NDRG1: variants seen among roughly 807,000 people sequenced by gnomAD.
The protein encoded by NDRG1 is protein NDRG1.
Under a neutral mutation model 56.9 loss-of-function variants are expected in NDRG1, and 32 were observed. That is an observed-to-expected ratio of 0.56 (90% CI 0.42 to 0.76). The LOEUF is 0.76. Among genes scored for constraint, NDRG1 ranks in the 30% least tolerant of loss-of-function variants. The probability of loss-of-function intolerance (pLI) is 0.00; values close to 1 mark genes in which losing one functional copy is unlikely to be tolerated. For missense variants in NDRG1, 507 were observed against 545.7 expected (o/e 0.93, Z 0.71); for synonymous variants, 211 against 204.1 (o/e 1.03, Z -0.29).
rs190247129 is a variant in NDRG1 at position 133,238,686 on chromosome 8, C to T, written c.*192G>A. The T allele has an allele frequency of 2.2e-5, 15 of 682,006 alleles. No homozygotes were observed. The highest frequency in any genetic ancestry group is 3.0e-5 in the Admixed American group (1 of 33,278). 42.2% of individuals were successfully genotyped at this position (682,006 alleles called of 1,614,324 possible). ...TGCTTGCTTCCTTCCTTTGGTCCACCGCCACCCCGCCTTTGGAGAGGGCAC... is the reference window on the plus strand; with the variant it reads ...TGCTTGCTTCCTTCCTTTGGTCCACTGCCACCCCGCCTTTGGAGAGGGCAC... On this transcript the variant is annotated 3_prime_UTR_variant, in exon 16 of 16. Transcript: ENST00000323851.
chr8:133,291,934 T>G (rs1367011099), intron 1 of NDRG1, among the ~76,000 whole-genome samples: 2 of 151,824 alleles, frequency 1.3e-5, no homozygotes, highest in African/African-American at 4.8e-5. Flanking sequence ...TCAGCAAGAG[T>G]GTCCCAAACA....
intron 14 of NDRG1, 67 bp from the exon 15 acceptor site, chr8:133,242,141 G>A: frequency 6.5e-7 from 1 of 1,535,430 alleles, no homozygotes; most frequent in East Asian, 2.3e-5. Flanking sequence ...GGCCATGGGG[G>A]GCTGTGCCTG....
chr8:133,263,713 C>T (rs912888902), intron 4 of NDRG1, among the ~76,000 whole-genome samples: 6 of 151,968 alleles, frequency 3.9e-5, no homozygotes, highest in African/African-American at 7.3e-5. Context: ...GTCAGGAGTT[C>T]GAGGTCAGCC....
intron 9 of NDRG1, among the ~76,000 whole-genome samples, chr8:133,253,233 G>C (rs1324263198): frequency 6.6e-6 from 1 of 152,232 alleles, no homozygotes; most frequent in Non-Finnish European, 1.5e-5. Flanking sequence ...CTAGCATGCT[G>C]TGAGGGGCTT....
intron 5 of NDRG1, among the ~76,000 whole-genome samples, chr8:133,260,951 A>AC (rs1856631320): frequency 6.6e-6 from 1 of 152,082 alleles, no homozygotes; most frequent in Non-Finnish European, 1.5e-5. Context: ...CCATAATTGC[A>AC]CAAGGGGAAA....
Position 133,264,821 on chromosome 8 carries a change from G to A in NDRG1, c.100-169C>T, listed in dbSNP as rs75751459. The A allele has an allele frequency of 0.044, 29,374 of 675,186 alleles. 768 individuals carry two copies. Among genetic ancestry groups the A allele is most frequent in the Non-Finnish European group, 0.058 (21,593 of 370,978 alleles). The allele number at this position is 675,186 out of a possible 1,614,324, so 41.8% of individuals were successfully genotyped here. On this transcript the variant is annotated intron_variant, in intron 3 of 15. Coordinates refer to ENST00000323851, the MANE Select transcript of NDRG1 (RefSeq NM_006096.4). ...TCTCTCTGGCCAGAAGCCACTCCAA[G>A]GACCAGGGCTAGGAGGGGACTCCCA... is the stretch of plus-strand genomic sequence containing the variant.
chr8:133,269,253 C>T (rs531717509), intron 3 of NDRG1, among the ~76,000 whole-genome samples: 2 of 152,306 alleles, frequency 1.3e-5, no homozygotes, highest in East Asian at 3.9e-4. Context: ...AACACAACTC[C>T]TCCACCATCC....
At chr8:133,294,672 G>A (rs1563646679) in intron 1 of NDRG1, among the ~76,000 whole-genome samples, 2 of 107,364 alleles carry the variant, frequency 1.9e-5, no homozygotes, top group Non-Finnish European at 3.8e-5. Context: ...CTTCTGTCAT[G>A]GGGGGGGGGC....
intron 5 of NDRG1, chr8:133,259,453 T>C: frequency 3.4e-6 from 2 of 590,626 alleles, no homozygotes; most frequent in Non-Finnish European, 6.1e-6. Flanking sequence ...TTCTGGGAAT[T>C]AGCTCATTCA....
chr8:133,257,041 G>A (rs564358699), intron 7 of NDRG1, among the ~76,000 whole-genome samples, 178 bp from the exon 8 acceptor site: 57 of 152,324 alleles, frequency 3.7e-4, no homozygotes, highest in South Asian at 8.3e-4. Context: ...CAGCAGACAC[G>A]GTATCGGGTC....
intron 1 of NDRG1, among the ~76,000 whole-genome samples, chr8:133,292,593 A>G (rs1858490576): frequency 6.6e-6 from 1 of 152,202 alleles, no homozygotes; most frequent in Non-Finnish European, 1.5e-5. Flanking sequence ...AAGCATTCCC[A>G]GCTGAGAGAG....
At position 133,259,245 on chromosome 8, in the gene NDRG1, G is replaced by A. The variant is rs1171591138; in HGVS notation, c.327-15C>T. On this transcript the variant is annotated splice_polypyrimidine_tract_variant and intron_variant, in intron 5 of 15. Coordinates refer to ENST00000323851, the MANE Select transcript of NDRG1 (RefSeq NM_006096.4). Reference sequence around the variant, plus strand: ...GGTACATGTACCTGGGGATGACACAGAGAAGCCATTAGTGAGCGCCCGGAC... The same window carrying A: ...GGTACATGTACCTGGGGATGACACAAAGAAGCCATTAGTGAGCGCCCGGAC... 1.9e-6 allele frequency: 3 copies of A among 1,613,844 alleles called. No homozygotes were observed. The highest frequency in any genetic ancestry group is 2.5e-6 in the Non-Finnish European group (3 of 1,179,842).
intron 14 of NDRG1, among the ~76,000 whole-genome samples, chr8:133,243,704 G>T (rs998780980): frequency 6.6e-6 from 1 of 152,134 alleles, no homozygotes; most frequent in Non-Finnish European, 1.5e-5. Context: ...AGGCAGGGCA[G>T]GTTTTGGATA....
At chr8:133,244,633 T>C (rs1341209755) in intron 13 of NDRG1, 1 of 602,702 alleles carries the variant, frequency 1.7e-6, no homozygotes, top group East Asian at 2.8e-5. Flanking sequence ...TGCTAGGCCC[T>C]ACAGATAATT....
At chr8:133,295,166 A>G (rs753371061) in intron 1 of NDRG1, among the ~76,000 whole-genome samples, 2 of 152,212 alleles carry the variant, frequency 1.3e-5, no homozygotes, top group Non-Finnish European at 2.9e-5. Context: ...CCACCCATGC[A>G]CAGTCTATTA....
intron 3 of NDRG1, among the ~76,000 whole-genome samples, chr8:133,267,836 A>T (rs1856995976): frequency 6.6e-6 from 1 of 152,104 alleles, no homozygotes; most frequent in South Asian, 2.1e-4. Flanking sequence ...ACTCCATAGC[A>T]GGAGAGGAGT....
chr8:133,237,807 A>C lies in NDRG1; in HGVS notation c.*1071T>G, dbSNP rs1588214884. 4.3e-6 allele frequency: 1 copy of C among 232,054 alleles called. No individual in the cohort carries two copies. The highest frequency in any genetic ancestry group is 2.2e-5 in the African/African-American group (1 of 45,104). 14.4% of individuals were successfully genotyped at this position (232,054 alleles called of 1,614,324 possible). A position where few individuals can be genotyped will look rare whatever the true frequency, so the allele number is the denominator to read the frequency against. ...CCAGCTGTCGAAGATTGAAAACTGG[A>C]TTTAAGCCAATCACACAAAATTCCT... is the stretch of plus-strand genomic sequence containing the variant. On this transcript the variant is annotated 3_prime_UTR_variant, in exon 16 of 16. Coordinates refer to ENST00000323851, the MANE Select transcript of NDRG1 (RefSeq NM_006096.4).
At chr8:133,262,628 G>A (rs761085575) in intron 4 of NDRG1, among the ~76,000 whole-genome samples, 17 of 152,176 alleles carry the variant, frequency 1.1e-4, no homozygotes, top group Non-Finnish European at 1.9e-4. Context: ...CTTTCATGTG[G>A]CCTGGATGAG....
chr8:133,238,533 C>T lies in NDRG1; in HGVS notation c.*345G>A, dbSNP rs939411811. On this transcript the variant is annotated 3_prime_UTR_variant, in exon 16 of 16. Coordinates refer to ENST00000323851, the MANE Select transcript of NDRG1 (RefSeq NM_006096.4). ...CCCGTTTGAACCAGGATGCTCAGGG[C>T]GGCCTAGGCTTGGCTTTGTGAAGTG... The T allele has an allele frequency of 4.4e-5, 15 of 344,178 alleles. No homozygotes were observed. Among genetic ancestry groups the T allele is most frequent in the East Asian group, 4.1e-4 (9 of 21,950 alleles). The allele number at this position is 344,178 out of a possible 1,614,324, so 21.3% of individuals were successfully genotyped here.
Sources: allele counts gnomAD v4.1 joint callset (sites outside exome capture counted in the v4.1 genomes callset), GRCh38; gene constraint gnomAD v4.1.1; transcripts MANE v1.5; gene names NCBI Gene and HGNC (gene_info 2026-07-23, HGNC 2026-07-21).